Variants in SUGCT observed in about 807,000 individuals in gnomAD.
SUGCT encodes the protein succinyl-CoA:glutarate CoA-transferase.
SUGCT carries 41 observed loss-of-function variants against 55.0 expected under a neutral mutation model. That is an observed-to-expected ratio of 0.74 (90% CI 0.58 to 0.97). SUGCT has a LOEUF of 0.97. Ranked by LOEUF, SUGCT falls within the 50% of genes least tolerant of loss-of-function variation. The pLI, the probability that SUGCT is intolerant of heterozygous loss-of-function variation, is 0.00. For synonymous variants in SUGCT, 187 were observed against 200.4 expected, an observed-to-expected ratio of 0.93 and a Z score of 0.56; for missense variants, 568 against 547.8, an observed-to-expected ratio of 1.04 and a Z score of -0.37.
intron 12 of SUGCT, among the ~76,000 whole-genome samples, chr7:40,555,169 C>G (rs1034571195): frequency 4.0e-5 from 6 of 151,896 alleles, no homozygotes; most frequent in Non-Finnish European, 8.8e-5. Flanking sequence ...TATGAGCCCC[C>G]AGAGCTGGAC....
the SUGCT span, among the ~76,000 whole-genome samples, chr7:40,900,506 T>G: frequency 6.6e-6 from 1 of 152,226 alleles, no homozygotes; most frequent in Admixed American, 6.5e-5. Context: ...AAAACTATCT[T>G]TAGTCCCCTT....
intron 12 of SUGCT, among the ~76,000 whole-genome samples, chr7:40,723,289 G>C (rs889426188): frequency 6.6e-6 from 1 of 152,146 alleles, no homozygotes; most frequent in African/African-American, 2.4e-5. Flanking sequence ...TCTCCGATTT[G>C]AGTTTCCTCA....
chr7:40,643,415 T>C (rs928080920), intron 12 of SUGCT, among the ~76,000 whole-genome samples: 1 of 152,164 alleles, frequency 6.6e-6, no homozygotes, highest in Admixed American at 6.5e-5. Context: ...GTCTGGAAAC[T>C]ATAGTGTGAA....
At chr7:41,026,981 G>A in the SUGCT span, among the ~76,000 whole-genome samples, 3 of 152,104 alleles carry the variant, frequency 2.0e-5, no homozygotes, top group Non-Finnish European at 4.4e-5. Flanking sequence ...GCAGTGAGCC[G>A]AGATCATGCC....
the SUGCT span, among the ~76,000 whole-genome samples, chr7:40,990,580 T>A: frequency 2.0e-5 from 3 of 152,378 alleles, no homozygotes; most frequent in Non-Finnish European, 4.4e-5. Flanking sequence ...AACTTGTCAT[T>A]TGAAGCTTTA....
At chr7:40,982,933 G>A in the SUGCT span, among the ~76,000 whole-genome samples, 1 of 152,164 alleles carries the variant, frequency 6.6e-6, no homozygotes, top group Non-Finnish European at 1.5e-5. Context: ...ACAGGCATGA[G>A]CTGCCATGTC....
chr7:41,037,496 G>T, the SUGCT span, among the ~76,000 whole-genome samples: 1 of 148,624 alleles, frequency 6.7e-6, no homozygotes. Flanking sequence ...AAGTCCATGT[G>T]CTCAGCCTTT....
intron 11 of SUGCT, among the ~76,000 whole-genome samples, chr7:40,491,435 T>G (rs1217473443): frequency 6.6e-6 from 1 of 152,052 alleles, no homozygotes; most frequent in Non-Finnish European, 1.5e-5. Context: ...TTCTGGCAAG[T>G]GAGGAATCCT....
At chr7:40,766,604 C>T (rs1788804260) in intron 13 of SUGCT, among the ~76,000 whole-genome samples, 1 of 152,100 alleles carries the variant, frequency 6.6e-6, no homozygotes, top group Admixed American at 6.6e-5. Context: ...CAATATGTTA[C>T]TAAGAATTAA....
At chr7:40,468,616 A>G (rs1790248953) in intron 11 of SUGCT, among the ~76,000 whole-genome samples, 1 of 152,118 alleles carries the variant, frequency 6.6e-6, no homozygotes, top group South Asian at 2.1e-4. Context: ...GTGGTTACCT[A>G]TGTAATACAG....
the SUGCT span, among the ~76,000 whole-genome samples, chr7:40,951,896 G>C: frequency 0.012 from 1,793 of 152,320 alleles, 17 homozygotes; most frequent in Non-Finnish European, 0.018. Context: ...TTTGTAATAA[G>C]TGCGATGTGA....
chr7:40,708,427 G>A (rs947917621), intron 12 of SUGCT, among the ~76,000 whole-genome samples: 2 of 152,184 alleles, frequency 1.3e-5, no homozygotes, highest in African/African-American at 4.8e-5. Context: ...TCTGGAAGCC[G>A]TTAGTGTTTG....
chr7:40,800,873 T>C (rs926569149), intron 13 of SUGCT, among the ~76,000 whole-genome samples: 3 of 152,236 alleles, frequency 2.0e-5, no homozygotes, highest in Non-Finnish European at 4.4e-5. Context: ...ATTTGTATCC[T>C]AGCCCTATGA....
the SUGCT span, among the ~76,000 whole-genome samples, chr7:41,005,035 G>A: frequency 7.9e-5 from 12 of 152,136 alleles, no homozygotes; most frequent in South Asian, 2.1e-4. Flanking sequence ...AAGCAACTGC[G>A]TACTTCCTAT....
rs1452129668 is a variant in SUGCT, at chr7:40,851,908, TAAAC to T, written c.1154-8405_1154-8402del. On this transcript the variant is annotated intron_variant, in intron 13 of 13. Transcript: ENST00000335693. ...CCTTAGATAGTAGAGAAAAGGCACA[TAAAC>T]AACTTATTTTTAAAACCTCAGCATC... Among the ~76,000 whole-genome samples the T allele has an allele frequency of 3.9e-5, 6 of 152,326 alleles. No individual in the cohort carries two copies. The East Asian group carries it at 1.2e-3, about 29-fold the overall frequency.
chr7:40,869,476 T>G, the SUGCT span, among the ~76,000 whole-genome samples: 1 of 152,204 alleles, frequency 6.6e-6, no homozygotes, highest in Non-Finnish European at 1.5e-5. Context: ...TGGAAGTGGA[T>G]CCATTTCCAG....
chr7:40,631,837 A>C (rs1296461177), intron 12 of SUGCT, among the ~76,000 whole-genome samples: 3 of 152,220 alleles, frequency 2.0e-5, no homozygotes, highest in Non-Finnish European at 4.4e-5. Context: ...TCCCGTGGTC[A>C]TGAACAGGCT....
In SUGCT at chr7:40,158,774, T is replaced by C. The variant is rs1259684142; in HGVS notation, c.101-22173T>C. Among the ~76,000 whole-genome samples, 3 of 152,234 alleles carry C rather than the reference T, an allele frequency of 2.0e-5. No individual in the cohort carries two copies. In the East Asian group the frequency reaches 5.8e-4, roughly 29 times the overall value. On this transcript the variant is annotated intron_variant, in intron 1 of 13. Coordinates refer to ENST00000335693, the MANE Select transcript of SUGCT (RefSeq NM_001193313.2). ...CAAATAAATAAATAAGTAAAATAAA[T>C]AAATAAAATGAGTAAATAAAATTTT...
At chr7:40,424,189 T>C (rs577720604) in intron 9 of SUGCT, among the ~76,000 whole-genome samples, 2 of 152,260 alleles carry the variant, frequency 1.3e-5, no homozygotes, top group Admixed American at 1.3e-4. Context: ...ACTATTGTTA[T>C]TACTAGCCTC....
Sources: gnomAD v4.1 joint callset for allele counts (sites outside exome capture counted in the v4.1 genomes callset) on GRCh38, gnomAD v4.1.1 for gene constraint, MANE v1.5 for transcripts, NCBI Gene and HGNC (gene_info 2026-07-23, HGNC 2026-07-21) for gene names.